Variants in LMF1 observed in about 807,000 individuals in gnomAD.
LMF1 encodes the protein transmembrane protein 112.
Under a neutral mutation model 60.6 loss-of-function variants are expected in LMF1, and 68 were observed. The observed-to-expected ratio is 1.12, with a 90% confidence interval of 0.92 to 1.37. LMF1 has a LOEUF of 1.37. LMF1 is among the 40% of genes most tolerant of loss of function. The probability of loss-of-function intolerance (pLI) is 0.00; values close to 1 mark genes in which losing one functional copy is unlikely to be tolerated. For synonymous variants in LMF1, 418 were observed against 324.7 expected (o/e 1.29, Z -3.09); for missense variants, 948 against 767.2 (o/e 1.24, Z -2.78).
At chr16:972,581 C>T (rs1049477396), upstream of LMF1, among the ~76,000 whole-genome samples, 1 of 152,228 alleles carries the variant, frequency 6.6e-6, no homozygotes, top group Admixed American at 6.5e-5. Context: ...AGAGCGGGCC[C>T]TGTCTGGGTG....
At chr16:905,139 CCACA>C (rs2070940616) in intron 4 of LMF1, 1 of 162,488 alleles carries the variant, frequency 6.2e-6, no homozygotes, top group Non-Finnish European at 1.3e-5. Context: ...TCTGCACTGC[CCACA>C]GGACGCCTGT....
chr16:929,454 C>T (rs1300306406), intron 3 of LMF1, among the ~76,000 whole-genome samples: 2 of 152,192 alleles, frequency 1.3e-5, no homozygotes, highest in African/African-American at 2.4e-5. Flanking sequence ...CCGGCAAAGG[C>T]GGTCTGGTCC....
rs1161618497 is a variant in LMF1, at chr16:959,847, TGTGCCAGGACGGGAGGATGGAATACAC to T, written c.194-5208_194-5182del. ...CAGCAGGGAAGACTGGAATACACCG[TGTGCCAGGACGGGAGGATGGAATACAC>T]CATGTTCCAGGACGGAAGGCTGGAA... is the stretch of plus-strand genomic sequence containing the variant. On this transcript the variant is annotated intron_variant, in intron 1 of 10. Transcript: ENST00000262301. Among the ~76,000 whole-genome samples, 992 of 132,974 alleles carry T rather than the reference TGTGCCAGGACGGGAGGATGGAATACAC, an allele frequency of 7.5e-3. 11 individuals are homozygous for T. Among genetic ancestry groups the T allele is most frequent in the African/African-American group, 0.032 (953 of 29,832 alleles). 87.2% of individuals were successfully genotyped at this position (132,974 alleles called of 152,430 possible). A position where few individuals can be genotyped will look rare whatever the true frequency, so the allele number is the denominator to read the frequency against.
intron 3 of LMF1, among the ~76,000 whole-genome samples, chr16:932,398 C>T (rs2071815229): frequency 1.3e-5 from 2 of 152,250 alleles, no homozygotes; most frequent in Admixed American, 1.3e-4. Context: ...CTCACAGCCC[C>T]CGCGGTGCTG....
rs560738623 is a variant in LMF1, at chr16:948,538, A to G, written c.503+5819T>C. Among the ~76,000 whole-genome samples, 1,224 of 151,890 alleles carry G rather than the reference A, an allele frequency of 8.1e-3. 35 individuals carry two copies. The highest frequency in any genetic ancestry group is 0.028 in the African/African-American group (1,168 of 41,340). ...GTCAGAGCCAACGACAGAGTCAGCC[A>G]ATGACAGAGTCAGACACAGCGACAG... On this transcript the variant is annotated intron_variant, in intron 2 of 10. Transcript: ENST00000262301.
At chr16:870,171 G>A (rs960047717) in intron 8 of LMF1, 105 bp from the exon 9 acceptor site, 3 of 1,305,630 alleles carry the variant, frequency 2.3e-6, no homozygotes, top group African/African-American at 2.9e-5. Flanking sequence ...GGCCCAGGGG[G>A]AGGGCTACAG....
chr16:862,000 G>A (rs1240196848), intron 10 of LMF1, among the ~76,000 whole-genome samples: 2 of 152,086 alleles, frequency 1.3e-5, no homozygotes, highest in Non-Finnish European at 1.5e-5. Flanking sequence ...TGTTAAACTT[G>A]TCACGGGCCT....
In LMF1 at chr16:917,163, T is replaced by A. The variant is rs753862384; in HGVS notation, c.515-6084A>T. 2.0e-5 allele frequency among the ~76,000 whole-genome samples: 3 copies of A among 152,196 alleles called. 1 individual carries two copies. The South Asian group carries it at 6.2e-4, about 32-fold the overall frequency. ...GGAACCAGGCCCAAAGCCACTCTCA[T>A]GCCGGTACCATGGGGGACGGGTCAC... is the stretch of plus-strand genomic sequence containing the variant. On this transcript the variant is annotated intron_variant, in intron 3 of 10. Transcript: ENST00000262301.
chr16:861,354 C>CTTTTTTT (rs33941455), intron 10 of LMF1, among the ~76,000 whole-genome samples: 2 of 92,662 alleles, frequency 2.2e-5, no homozygotes, highest in South Asian at 3.4e-4. Context: ...AATTTTCTTT[C>CTTTTTTT]TTTTTTTTTT....
At chr16:879,035 G>C (rs887050903) in intron 6 of LMF1, among the ~76,000 whole-genome samples, 7 of 152,130 alleles carry the variant, frequency 4.6e-5, no homozygotes, top group African/African-American at 1.2e-4. Flanking sequence ...TCAATGCAGG[G>C]GGCTTGTGGG....
In LMF1 at chr16:869,932, G is replaced by C. The variant is rs769848664; in HGVS notation, c.1367C>G (p.Ser456Cys). The change falls in exon 9 of 11, where the codon TCC becomes TGC. Residue 456 changes from serine to cysteine, a missense_variant. Ser to Cys is a moderately radical substitution (Grantham distance 112). Coordinates refer to ENST00000262301, the MANE Select transcript of LMF1 (RefSeq NM_022773.4). ...CCAGTCCAGGCGGTAGTGGTACGGG[G>C]AGATGAGGCAGGGCCGTCTGCTGGG... ...GDPSRRPCLISPYHYRLDWLM... is the reference protein window; with the variant it reads ...GDPSRRPCLICPYHYRLDWLM... 6.2e-7 allele frequency: 1 copy of C among 1,613,320 alleles called. No individual in the cohort carries two copies. The highest frequency in any genetic ancestry group is 1.7e-5 in the Admixed American group (1 of 60,000).
At chr16:936,650 T>C (rs1474094541) in intron 2 of LMF1, among the ~76,000 whole-genome samples, 3 of 152,342 alleles carry the variant, frequency 2.0e-5, no homozygotes, top group Middle Eastern at 3.4e-3. Flanking sequence ...ATACACTCCC[T>C]GCCCCCCTTT....
In LMF1 at chr16:954,560, G is replaced by C. The variant is rs369424855; in HGVS notation, c.300C>G (p.Asp100Glu). The C allele has an allele frequency of 1.2e-6, 2 of 1,613,324 alleles. No homozygotes were observed. Among genetic ancestry groups the C allele is most frequent in the South Asian group, 1.1e-5 (1 of 91,066 alleles). ...FLKNFQQYFQ[D>E]RTSWEVFSYM... ...AGCTGAAGACTTCCCAGCTCGTCCT[G>C]TCCTGGAAGTACTGCTGGAAGTTCT... Residue 100 changes from aspartate to glutamate, a missense_variant, in exon 2 of 11, where the codon GAC (aspartate) becomes GAG (glutamate). Coordinates refer to ENST00000262301, the MANE Select transcript of LMF1 (RefSeq NM_022773.4).
At chr16:895,461 T>C (rs34654022) in intron 4 of LMF1, among the ~76,000 whole-genome samples, 56,885 of 152,080 alleles carry the variant, frequency 0.37, 11,880 homozygotes, top group African/African-American at 0.54. Flanking sequence ...GGGGCGGCCG[T>C]GGGCCCCTAG....
At chr16:895,111 C>T (rs981267537) in intron 4 of LMF1, among the ~76,000 whole-genome samples, 1 of 152,212 alleles carries the variant, frequency 6.6e-6, no homozygotes, top group South Asian at 2.1e-4. Context: ...CGGCGCCAGT[C>T]GCGGTCCCAC....
rs755055115 is a variant in LMF1 at position 869,876 on chromosome 16, C to A, written c.1416+7G>T. 9.3e-6 allele frequency: 15 copies of A among 1,610,126 alleles called. No individual in the cohort carries two copies. The highest frequency in any genetic ancestry group is 5.0e-5 in the Admixed American group (3 of 59,794). The stretch of plus-strand genomic sequence containing the variant: ...GGTCCATGCGCCCGCCAGGGACCGT[C>A]CCCCACCTGGAAGGCCGCGAACCAC... On this transcript the variant is annotated splice_region_variant and intron_variant, in intron 9 of 10. Transcript: ENST00000262301.
At chr16:873,334 G>C (rs575663745) in intron 6 of LMF1, 1 of 152,458 alleles carries the variant, frequency 6.6e-6, no homozygotes, top group South Asian at 2.1e-4. Flanking sequence ...TCACAAGGCT[G>C]TGCGGCCCAC....
intron 4 of LMF1, chr16:899,607 T>C (rs2070754655): frequency 1.3e-5 from 2 of 152,238 alleles, no homozygotes; most frequent in East Asian, 3.9e-4. Context: ...ATTTCATCAG[T>C]GGCTCTGATG....
At position 930,292 on chromosome 16, in the gene LMF1, C is replaced by T. The variant is rs184204727; in HGVS notation, c.514+3952G>A. Among the ~76,000 whole-genome samples the T allele has an allele frequency of 2.8e-3, 428 of 152,292 alleles. 5 individuals carry two copies. Among genetic ancestry groups the T allele is most frequent in the Admixed American group, 4.7e-3 (72 of 15,306 alleles). On this transcript the variant is annotated intron_variant, in intron 3 of 10. Transcript: ENST00000262301. ...GGGCGCAGGACCCTGGGACACAGAG[C>T]CCAGGACAGCAGCAGGCGAGCTCGC...
Sources: allele counts gnomAD v4.1 joint callset (sites outside exome capture counted in the v4.1 genomes callset), GRCh38; gene constraint gnomAD v4.1.1; transcripts MANE v1.5; gene names NCBI Gene and HGNC (gene_info 2026-07-23, HGNC 2026-07-21).